ZFC3H1: variants seen among roughly 807,000 people sequenced by gnomAD.
ZFC3H1 encodes zinc finger C3H1-type containing.
Under a neutral mutation model 243.7 loss-of-function variants are expected in ZFC3H1, and 71 were observed. The ratio of observed to expected loss-of-function variants is 0.29; its 90% CI spans 0.24 to 0.36. The LOEUF (loss-of-function observed/expected upper bound fraction) is 0.36. Among genes scored for constraint, ZFC3H1 ranks in the 10% least tolerant of loss-of-function variants. The pLI, the probability that ZFC3H1 is intolerant of heterozygous loss-of-function variation, is 1.00. For missense variants in ZFC3H1, 1,966 were observed against 2,317.1 expected, an observed-to-expected ratio of 0.85 and a Z score of 3.11; for synonymous variants, 838 against 813.0, an observed-to-expected ratio of 1.03 and a Z score of -0.52.
intron 20 of ZFC3H1, 43 bp downstream of exon 20, chr12:71,628,875 C>T (rs1880239637): frequency 4.5e-6 from 7 of 1,540,630 alleles, no homozygotes; most frequent in Non-Finnish European, 6.1e-6. Flanking sequence ...GATGGAACAC[C>T]ACAATTTAAT....
Position 71,619,325 on chromosome 12 carries a change from C to A in ZFC3H1, c.5134G>T (p.Asp1712Tyr). Residue 1712 changes from aspartate (D) to tyrosine (Y), a missense_variant, in exon 27 of 35, where the codon GAT (aspartate) becomes TAT (tyrosine). Around this residue, in one of 4 missense-constraint regions of ZFC3H1, gnomAD observed 1,383 missense variants for 1,723.7 expected, o/e 0.80. Transcript: ENST00000378743. ...KPGFEKYNNL[D>Y]LFRYLLNIPG... The stretch of plus-strand genomic sequence containing the variant: ...AATTCTACAACTTACCGAAACAGAT[C>A]CAAGTTATTATACTTCTCAAACCCC... 1.2e-6 allele frequency: 2 copies of A among 1,613,394 alleles called. No homozygotes were observed. Among genetic ancestry groups the A allele is most frequent in the South Asian group, 1.1e-5 (1 of 90,998 alleles).
At chr12:71,658,284 T>C (rs1881073919) in intron 1 of ZFC3H1, among the ~76,000 whole-genome samples, 1 of 126,038 alleles carries the variant, frequency 7.9e-6, no homozygotes, top group Admixed American at 8.7e-5. Flanking sequence ...ATTTATAGAT[T>C]TTTTTTTTTT....
Position 71,637,038 on chromosome 12 carries a change from G to C in ZFC3H1, c.1747C>G (p.Pro583Ala). The stretch of plus-strand genomic sequence containing the variant: ...GAAACACACAAGCCTTCCACATAAG[G>C]CTGGCTCAAAGGTGGCAGAGACTAT... ...QVSSLPPLSQPYVEGLCVSLE... is the reference protein window; with the variant it reads ...QVSSLPPLSQAYVEGLCVSLE... The change falls in exon 8 of 35, where the codon CCT becomes GCT. Residue 583 changes from proline (P) to alanine (A), a missense_variant. By Grantham distance (27) the Pro-to-Ala change is conservative. This residue lies in a region of ZFC3H1 where 1,383 missense variants were observed against 1,723.7 expected (regional missense o/e 0.80). Transcript: ENST00000378743. 1 of 1,613,430 alleles carries C rather than the reference G, an allele frequency of 6.2e-7. No individual in the cohort carries two copies. The highest frequency in any genetic ancestry group is 1.3e-5 in the African/African-American group (1 of 74,962).
chr12:71,636,801 T>TA (rs1256862094), intron 8 of ZFC3H1, 49 bp downstream of exon 8: 2 of 1,599,488 alleles, frequency 1.3e-6, no homozygotes, highest in Non-Finnish European at 1.7e-6. Context: ...AGGACTACCG[T>TA]AAAGCTAAGC....
In ZFC3H1 at chr12:71,644,889, C is replaced by G; in HGVS notation, c.1267G>C (p.Val423Leu). The G allele has an allele frequency of 6.2e-7, 1 of 1,611,262 alleles. No homozygotes were observed. The highest frequency in any genetic ancestry group is 8.5e-7 in the Non-Finnish European group (1 of 1,179,790). Residue 423 changes from valine to leucine, a missense_variant, in exon 4 of 35, where the codon GTT becomes CTT. Val to Leu is a conservative substitution (Grantham distance 32). This residue lies in a region of ZFC3H1 where 91 missense variants were observed against 107.6 expected (regional missense o/e 0.85). Transcript: ENST00000378743. ...TSTKTHSAKKVSTTAKQALRK... is the reference protein window; with the variant it reads ...TSTKTHSAKKLSTTAKQALRK... ...TAAAAATGATCACCTGTAGTGCTAA[C>G]TTTTTTGGCCGAATGTGTTTTTGTA...
Position 71,633,434 on chromosome 12 carries a change from G to T in ZFC3H1, c.2515C>A (p.Leu839Ile), listed in dbSNP as rs1459445184. The change falls in exon 13 of 35, where the codon CTC becomes ATC. Residue 839 changes from leucine to isoleucine, a missense_variant. By Grantham distance (5) the Leu-to-Ile change is conservative. This residue lies in a region of ZFC3H1 where 1,383 missense variants were observed against 1,723.7 expected (regional missense o/e 0.80). Coordinates refer to ENST00000378743, the MANE Select transcript of ZFC3H1 (RefSeq NM_144982.5). ...AESKLKKHRI[L>I]LMKDESVLKN... Reference sequence around the variant, plus strand: ...AAAACAGATTCATCTTTCATCAAGAGAATCCTAAATGAGAAATAACAAAAT... The same window carrying T: ...AAAACAGATTCATCTTTCATCAAGATAATCCTAAATGAGAAATAACAAAAT... The T allele has an allele frequency of 6.4e-7, 1 of 1,557,272 alleles. No individual in the cohort carries two copies. Among genetic ancestry groups the T allele is most frequent in the Non-Finnish European group, 8.7e-7 (1 of 1,154,578 alleles).
At chr12:71,656,178 G>A (rs530288617) in intron 2 of ZFC3H1, among the ~76,000 whole-genome samples, 1 of 152,232 alleles carries the variant, frequency 6.6e-6, no homozygotes, top group Non-Finnish European at 1.5e-5. Context: ...GTTGATGAAA[G>A]AATTCTGTAT....
At chr12:71,637,629 T>C (rs537663014) in intron 7 of ZFC3H1, among the ~76,000 whole-genome samples, 3 of 152,214 alleles carry the variant, frequency 2.0e-5, no homozygotes, top group Non-Finnish European at 2.9e-5. Context: ...TCAAAGATCT[T>C]CCACTATTTC....
Position 71,663,228 on chromosome 12 carries a change from C to A in ZFC3H1, c.383G>T (p.Ser128Ile), listed in dbSNP as rs753299481. ...CCGCTCCCAGAAAGACGGCCGGGGA[C>A]TGCTTTCGGACAGTGAGCTCGAAGG... ...RMPSSSLSES[S>I]PRPSFWERSH... The change falls in exon 1 of 35, where the codon AGT (serine) becomes ATT (isoleucine). Residue 128 changes from serine (S) to isoleucine (I), a missense_variant. Coordinates refer to ENST00000378743, the MANE Select transcript of ZFC3H1 (RefSeq NM_144982.5). 6.2e-7 allele frequency: 1 copy of A among 1,613,992 alleles called. No individual in the cohort carries two copies. Among genetic ancestry groups the A allele is most frequent in the Non-Finnish European group, 8.5e-7 (1 of 1,180,034 alleles).
Position 71,610,540 on chromosome 12 carries a change from CCTT to C in ZFC3H1, c.5855_5857del (p.Glu1952del). The C allele has an allele frequency of 6.2e-7, 1 of 1,613,480 alleles. No individual in the cohort carries two copies. Among genetic ancestry groups the C allele is most frequent in the South Asian group, 1.1e-5 (1 of 91,046 alleles). On this transcript the variant is annotated inframe_deletion, in exon 35 of 35. Coordinates refer to ENST00000378743, the MANE Select transcript of ZFC3H1 (RefSeq NM_144982.5). ...TTTTCTCAGGTTATCAGTTTTACCT[CCTT>C]CTGATGCTTCAAACAAGAGTTGCTG...
rs1879742002 is a variant in ZFC3H1, at chr12:71,610,483, C to T, written c.5915G>A (p.Ser1972Asn). Reference protein sequence around the residue: ...LVSKCQEIGVSLNELLNLNSN... With the variant: ...LVSKCQEIGVNLNELLNLNSN... Reference sequence around the variant, plus strand: ...GTTTAAATTTAAGAGCTCATTTAGGCTGACTCCAATCTCTTGGCACTTGGA... The same window carrying T: ...GTTTAAATTTAAGAGCTCATTTAGGTTGACTCCAATCTCTTGGCACTTGGA... The change falls in exon 35 of 35, where the codon AGC becomes AAC. Residue 1972 changes from serine (S) to asparagine (N), a missense_variant. Transcript: ENST00000378743. 1 of 1,613,520 alleles carries T rather than the reference C, an allele frequency of 6.2e-7. No homozygotes were observed. Among genetic ancestry groups the T allele is most frequent in the Non-Finnish European group, 8.5e-7 (1 of 1,179,656 alleles).
At position 71,620,323 on chromosome 12, in the gene ZFC3H1, A is replaced by C. The variant is rs1249939409; in HGVS notation, c.4745-8T>G. 2 of 1,613,428 alleles carry C rather than the reference A, an allele frequency of 1.2e-6. No individual in the cohort carries two copies. Among genetic ancestry groups the C allele is most frequent in the Middle Eastern group, 1.7e-4 (1 of 6,060 alleles). On this transcript the variant is annotated splice_polypyrimidine_tract_variant and splice_region_variant and intron_variant, in intron 24 of 34. Transcript: ENST00000378743. ...TGCAAGCTTTCACTGCATCTACCCA[A>C]AAACATCACAACAACATGAATCACG...
intron 16 of ZFC3H1, 53 bp downstream of exon 16, chr12:71,631,725 A>G (rs1233241291): frequency 1.4e-6 from 2 of 1,454,858 alleles, no homozygotes; most frequent in Non-Finnish European, 1.9e-6. Flanking sequence ...ATAAAATATT[A>G]AAAACCAAAC....
rs1879728475 is a variant in ZFC3H1, at chr12:71,610,001, G to A, written c.*427C>T. The A allele has an allele frequency of 6.5e-6, 1 of 153,044 alleles. No homozygotes were observed. The highest frequency in any genetic ancestry group is 2.4e-5 in the African/African-American group (1 of 41,414). 9.5% of individuals were successfully genotyped at this position (153,044 alleles called of 1,614,324 possible). On this transcript the variant is annotated 3_prime_UTR_variant, in exon 35 of 35. Coordinates refer to ENST00000378743, the MANE Select transcript of ZFC3H1 (RefSeq NM_144982.5). Reference sequence around the variant, plus strand: ...TAAAAAGGAAAAACTAAAAGGGACTGCCTGCTTTTTTTACTGTAAACACAG... The same window carrying A: ...TAAAAAGGAAAAACTAAAAGGGACTACCTGCTTTTTTTACTGTAAACACAG...
intron 7 of ZFC3H1, among the ~76,000 whole-genome samples, chr12:71,637,718 C>T (rs180849736): frequency 5.3e-5 from 8 of 152,240 alleles, no homozygotes; most frequent in African/African-American, 7.2e-5. Context: ...CTCTCACTAT[C>T]GGCTCTAATA....
rs1302348760 is a variant in ZFC3H1, at chr12:71,621,067, T to A, written c.4745-752A>T. On this transcript the variant is annotated intron_variant, in intron 24 of 34. Coordinates refer to ENST00000378743, the MANE Select transcript of ZFC3H1 (RefSeq NM_144982.5). ...CTTCTTGCCTCTGCTTCCAATAGAT[T>A]GTTTAAATTTCCTCTTAGTCCCATT... 2.6e-5 allele frequency among the ~76,000 whole-genome samples: 4 copies of A among 152,190 alleles called. No homozygotes were observed. The East Asian group carries it at 5.8e-4, about 22-fold the overall frequency.
In ZFC3H1 at chr12:71,634,147, A is replaced by C. The variant is rs149292687; in HGVS notation, c.2510+8T>G. 5,529 of 1,608,806 alleles carry C rather than the reference A, an allele frequency of 3.4e-3. 30 individuals are homozygous for C. The highest frequency in any genetic ancestry group is 0.024 in the Middle Eastern group (144 of 6,026). ...AACAATTAGATATGTGAAGATAACA[A>C]GGCTCACCTATGTTTTTTCAGTTTT... On this transcript the variant is annotated splice_region_variant and intron_variant, in intron 12 of 34. Coordinates refer to ENST00000378743, the MANE Select transcript of ZFC3H1 (RefSeq NM_144982.5).
Position 71,662,949 on chromosome 12 carries a change from C to G in ZFC3H1, c.598+64G>C, listed in dbSNP as rs1046376910. ...TCAAAGTTACACTCGTCTCACAGACCTAGTAATGACGCTAAAGGGAACTTT... is the reference window on the plus strand; with the variant it reads ...TCAAAGTTACACTCGTCTCACAGACGTAGTAATGACGCTAAAGGGAACTTT... On this transcript the variant is annotated intron_variant, in intron 1 of 34. Coordinates refer to ENST00000378743, the MANE Select transcript of ZFC3H1 (RefSeq NM_144982.5). 64 of 1,449,984 alleles carry G rather than the reference C, an allele frequency of 4.4e-5. No individual in the cohort carries two copies. In the African/African-American group the frequency reaches 6.2e-4, roughly 14 times the overall value. The allele number at this position is 1,449,984 out of a possible 1,614,324, so 89.8% of individuals were successfully genotyped here. A position where few individuals can be genotyped will look rare whatever the true frequency, so the allele number is the denominator to read the frequency against.
At chr12:71,612,596 C>T (rs1879799460) in intron 31 of ZFC3H1, among the ~76,000 whole-genome samples, 1 of 151,946 alleles carries the variant, frequency 6.6e-6, no homozygotes, top group South Asian at 2.1e-4. Context: ...TACGATTTTC[C>T]CCACATACAT....
Sources: allele counts gnomAD v4.1 joint callset (sites outside exome capture counted in the v4.1 genomes callset), GRCh38; gene constraint gnomAD v4.1.1; regional missense constraint gnomAD v4.1.1; transcripts MANE v1.5; gene names NCBI Gene and HGNC (gene_info 2026-07-23, HGNC 2026-07-21).